Variants in SH3GL2 observed in about 807,000 individuals in gnomAD.
The protein encoded by SH3GL2 is SH3 domain containing GRB2 like 2, endophilin A1.
In SH3GL2, 24 loss-of-function variants were observed where a neutral mutation model predicts 46.0. The observed-to-expected ratio is 0.52, with a 90% CI of 0.38 to 0.73. The LOEUF (loss-of-function observed/expected upper bound fraction) is 0.73. Ranked by LOEUF, SH3GL2 falls within the 30% of genes least tolerant of loss-of-function variation. The pLI is 0.00. For missense variants in SH3GL2, 413 were observed against 424.2 expected (o/e 0.97, Z 0.23); for synonymous variants, 196 against 147.1 (o/e 1.33, Z -2.40).
chr9:17,707,324 G>A (rs1476036215), intron 1 of SH3GL2, among the ~76,000 whole-genome samples: 1 of 151,958 alleles, frequency 6.6e-6, no homozygotes. Flanking sequence ...TTCCTCTTGG[G>A]GTCATACAGA....
At chr9:17,779,278 C>T (rs1823732260) in intron 3 of SH3GL2, among the ~76,000 whole-genome samples, 1 of 152,056 alleles carries the variant, frequency 6.6e-6, no homozygotes. Context: ...TCAGGTTGAC[C>T]ACCACTAGTA....
intron 1 of SH3GL2, among the ~76,000 whole-genome samples, chr9:17,638,762 C>G (rs368782981): frequency 3.9e-5 from 6 of 152,204 alleles, no homozygotes; most frequent in Non-Finnish European, 7.3e-5. Context: ...GCTAAGCTGC[C>G]AACCTCTCCT....
At chr9:17,722,266 A>C (rs1370305158) in intron 1 of SH3GL2, among the ~76,000 whole-genome samples, 1 of 152,112 alleles carries the variant, frequency 6.6e-6, no homozygotes, top group Non-Finnish European at 1.5e-5. Flanking sequence ...TCTTCTGTTT[A>C]GTAAGCTTTA....
intron 1 of SH3GL2, among the ~76,000 whole-genome samples, chr9:17,709,090 T>G (rs1821551791): frequency 6.6e-6 from 1 of 152,082 alleles, no homozygotes; most frequent in African/African-American, 2.4e-5. Flanking sequence ...TAGTTTTTGT[T>G]TCTAATGTGG....
At chr9:17,747,286 A>G in intron 2 of SH3GL2, 152 bp downstream of exon 2, 1 of 574,690 alleles carries the variant, frequency 1.7e-6, no homozygotes, top group Non-Finnish European at 3.1e-6. Flanking sequence ...TGTATGTTTT[A>G]AAACATAAAA....
chr9:17,676,477 G>A (rs553910617), intron 1 of SH3GL2, among the ~76,000 whole-genome samples: 2 of 152,192 alleles, frequency 1.3e-5, no homozygotes, highest in African/African-American at 4.8e-5. Flanking sequence ...ATGGTAGTGG[G>A]CACCTGTAAT....
chr9:17,631,380 A>G (rs957006288), intron 1 of SH3GL2, among the ~76,000 whole-genome samples: 5 of 152,204 alleles, frequency 3.3e-5, no homozygotes, highest in African/African-American at 9.6e-5. Context: ...GCTCAGGCAT[A>G]GGGCATATTT....
At chr9:17,754,409 C>G (rs1455717557) in intron 2 of SH3GL2, among the ~76,000 whole-genome samples, 1 of 152,116 alleles carries the variant, frequency 6.6e-6, no homozygotes, top group Non-Finnish European at 1.5e-5. Context: ...TGCAGTGACT[C>G]ACGCCTGTAA....
At chr9:17,635,855 G>A (rs1280234325) in intron 1 of SH3GL2, among the ~76,000 whole-genome samples, 1 of 152,180 alleles carries the variant, frequency 6.6e-6, no homozygotes. Flanking sequence ...ATTACAGGAA[G>A]GTTTGGAAGG....
chr9:17,672,075 C>G (rs1415273398), intron 1 of SH3GL2, among the ~76,000 whole-genome samples: 4 of 152,174 alleles, frequency 2.6e-5, no homozygotes, highest in Admixed American at 2.6e-4. Flanking sequence ...AAACCGACCT[C>G]TGGAACTCAA....
intron 1 of SH3GL2, chr9:17,735,829 C>A (rs900218048): frequency 1.1e-4 from 68 of 604,906 alleles, no homozygotes; most frequent in Non-Finnish European, 1.3e-4. Context: ...GTGTGGGATT[C>A]AGGGACATTA....
At chr9:17,738,639 T>TAGAGAGAGAG (rs1245134748) in intron 1 of SH3GL2, among the ~76,000 whole-genome samples, 1 of 66,780 alleles carries the variant, frequency 1.5e-5, no homozygotes, top group African/African-American at 4.2e-5. Flanking sequence ...TATATATATA[T>TAGAGAGAGAG]ATAGAGAGAG....
intron 1 of SH3GL2, among the ~76,000 whole-genome samples, chr9:17,581,687 T>G (rs1018185722): frequency 1.3e-5 from 2 of 151,898 alleles, no homozygotes; most frequent in African/African-American, 2.4e-5. Context: ...AGCCTGGGTT[T>G]GTTTGTTTGT....
chr9:17,734,810 G>C (rs1467237748), intron 1 of SH3GL2, among the ~76,000 whole-genome samples: 1 of 152,106 alleles, frequency 6.6e-6, no homozygotes, highest in Non-Finnish European at 1.5e-5. Context: ...GTTGGGGGAA[G>C]GAGCCTGGGC....
intron 2 of SH3GL2, 75 bp from the exon 3 acceptor site, chr9:17,761,362 T>G: frequency 1.1e-6 from 1 of 931,822 alleles, no homozygotes; most frequent in Non-Finnish European, 1.8e-6. Context: ...CGCCATTGTA[T>G]ACAGACTCAA....
intron 1 of SH3GL2, among the ~76,000 whole-genome samples, chr9:17,665,992 A>G (rs193129402): frequency 2.1e-4 from 31 of 150,926 alleles, no homozygotes; most frequent in Admixed American, 1.9e-3. Flanking sequence ...CCATATTTGT[A>G]ACTCCACCGC....
intron 1 of SH3GL2, among the ~76,000 whole-genome samples, chr9:17,711,359 C>T (rs1821616135): frequency 1.3e-5 from 2 of 151,772 alleles, no homozygotes; most frequent in African/African-American, 4.8e-5. Flanking sequence ...AAGCATATAG[C>T]ATGATAAGTT....
chr9:17,582,817 C>G (rs1430450423), intron 1 of SH3GL2, among the ~76,000 whole-genome samples: 1 of 152,182 alleles, frequency 6.6e-6, no homozygotes, highest in African/African-American at 2.4e-5. Context: ...GCCTTCTTAG[C>G]TCTTGTGCTT....
At chr9:17,666,578 G>GTATA (rs1554636866) in intron 1 of SH3GL2, among the ~76,000 whole-genome samples, 32,032 of 147,704 alleles carry the variant, frequency 0.22, 3,751 homozygotes, top group Non-Finnish European at 0.25. Flanking sequence ...GTGTGTGTGT[G>GTATA]TATATACATT....
Sources: allele counts gnomAD v4.1 joint callset (sites outside exome capture counted in the v4.1 genomes callset), GRCh38; gene constraint gnomAD v4.1.1; transcripts MANE v1.5; gene names NCBI Gene and HGNC (gene_info 2026-07-23, HGNC 2026-07-21).